Variants in RBM6 observed in about 807,000 individuals in gnomAD.
RBM6 encodes the protein RNA-binding protein 6.
A neutral mutation model predicts 140.4 loss-of-function variants in RBM6; 23 were observed. The ratio of observed to expected loss-of-function variants is 0.16; its 90% CI spans 0.12 to 0.23. The LOEUF is 0.23. Ranked by LOEUF, RBM6 falls within the 10% of genes least tolerant of loss-of-function variation. RBM6 has a pLI of 1.00. For missense variants in RBM6, 1,139 were observed against 1,386.7 expected (o/e 0.82, Z 2.84); for synonymous variants, 439 against 475.6 (o/e 0.92, Z 1.00).
At chr3:49,986,833 T>G (rs975487227) in intron 5 of RBM6, among the ~76,000 whole-genome samples, 1 of 148,154 alleles carries the variant, frequency 6.7e-6, no homozygotes, top group African/African-American at 2.5e-5. Context: ...TTGCCCAGGA[T>G]GGAGTGCATT....
intron 6 of RBM6, among the ~76,000 whole-genome samples, chr3:50,043,711 G>A (rs2089060575): frequency 6.6e-6 from 1 of 151,314 alleles, no homozygotes; most frequent in Non-Finnish European, 1.5e-5. Flanking sequence ...AGCCTCCCGA[G>A]TAGCTGGGAT....
chr3:50,035,292 C>T (rs1417125036), intron 6 of RBM6, among the ~76,000 whole-genome samples: 2 of 151,960 alleles, frequency 1.3e-5, no homozygotes, highest in South Asian at 2.1e-4. Flanking sequence ...AAGCAGGTGA[C>T]CTGAAAGACA....
In RBM6 at chr3:49,961,614, T is replaced by C. The variant is rs1323320068; in HGVS notation, c.-66-962T>C. On this transcript the variant is annotated intron_variant, in intron 1 of 20. Coordinates refer to ENST00000266022, the MANE Select transcript of RBM6 (RefSeq NM_005777.3). Reference sequence around the variant, plus strand: ...AGGAGTTCGAGACCAGCCTGGCCAATATGGTGAAACCCCATCTCTACTAAA... The same window carrying C: ...AGGAGTTCGAGACCAGCCTGGCCAACATGGTGAAACCCCATCTCTACTAAA... Among the ~76,000 whole-genome samples, 3 of 149,174 alleles carry C rather than the reference T, an allele frequency of 2.0e-5. No individual in the cohort carries two copies. In the East Asian group the frequency reaches 6.3e-4, roughly 31 times the overall value.
At position 49,972,220 on chromosome 3, in the gene RBM6, G is replaced by T. The variant is rs941729976; in HGVS notation, c.1413+72G>T. On this transcript the variant is annotated intron_variant, in intron 4 of 20. Coordinates refer to ENST00000266022, the MANE Select transcript of RBM6 (RefSeq NM_005777.3). ...AAAAAACCTTTTAATTTGAAAAATT[G>T]TAGATTCACAAGAAGGTGCAAAGAA... 25 of 1,219,302 alleles carry T rather than the reference G, an allele frequency of 2.1e-5. No homozygotes were observed. The African/African-American group carries it at 3.5e-4, about 17-fold the overall frequency. The allele number at this position is 1,219,302 out of a possible 1,614,324, so 75.5% of individuals were successfully genotyped here.
At chr3:50,070,606 C>T in intron 19 of RBM6, 54 bp downstream of exon 19, 2 of 1,258,338 alleles carry the variant, frequency 1.6e-6, no homozygotes, top group Non-Finnish European at 2.3e-6. Context: ...GATAAAACCA[C>T]CTCCTCCTTC....
At chr3:49,999,358 C>G in intron 5 of RBM6, 82 bp from the exon 6 acceptor site, 1 of 1,249,662 alleles carries the variant, frequency 8.0e-7, no homozygotes, top group Non-Finnish European at 1.2e-6. Flanking sequence ...TTAAGGGGTT[C>G]AGAAACAGGG....
chr3:49,972,329 A>G (rs1249263424), intron 4 of RBM6, among the ~76,000 whole-genome samples, 181 bp downstream of exon 4: 2 of 152,214 alleles, frequency 1.3e-5, no homozygotes. Flanking sequence ...TATCTAAACC[A>G]GGAAATTGAC....
intron 1 of RBM6, among the ~76,000 whole-genome samples, chr3:49,943,151 A>T (rs2083357041): frequency 6.6e-6 from 1 of 152,238 alleles, no homozygotes; most frequent in South Asian, 2.1e-4. Context: ...TTTGTAGCAG[A>T]CACTTGGGTT....
intron 1 of RBM6, among the ~76,000 whole-genome samples, chr3:49,962,280 A>T (rs1361836429): frequency 1.3e-5 from 2 of 150,066 alleles, no homozygotes; most frequent in South Asian, 4.2e-4. Flanking sequence ...TCTACTAAAA[A>T]TACAAAAAAT....
At position 49,968,097 on chromosome 3, in the gene RBM6, C is replaced by G; in HGVS notation, c.672C>G (p.Asp224Glu). 6.2e-7 allele frequency: 1 copy of G among 1,614,144 alleles called. No homozygotes were observed. The highest frequency in any genetic ancestry group is 2.2e-5 in the East Asian group (1 of 44,880). ...DFRNRDVSDL[D>E]FRDKDGTQVD... ...GGAATAGAGATGTATCTGATTTGGA[C>G]TTTAGAGACAAAGACGGAACACAAG... The change falls in exon 3 of 21, where the codon GAC (aspartate) becomes GAG (glutamate). Residue 224 changes from aspartate (D) to glutamate (E), a missense_variant. Physicochemically the swap from Asp to Glu is conservative, Grantham distance 45. Coordinates refer to ENST00000266022, the MANE Select transcript of RBM6 (RefSeq NM_005777.3).
chr3:49,955,557 C>A (rs898370325), intron 1 of RBM6, among the ~76,000 whole-genome samples: 1 of 151,788 alleles, frequency 6.6e-6, no homozygotes, highest in Non-Finnish European at 1.5e-5. Flanking sequence ...AAAAATGTAT[C>A]CTAGGCTGGG....
intron 1 of RBM6, among the ~76,000 whole-genome samples, chr3:49,942,760 G>A (rs2083343350): frequency 6.6e-6 from 1 of 152,004 alleles, no homozygotes; most frequent in South Asian, 2.1e-4. Context: ...ATGCATGGTG[G>A]CATGCATCTG....
chr3:49,990,593 G>T (rs1189877374), intron 5 of RBM6, among the ~76,000 whole-genome samples: 5 of 152,186 alleles, frequency 3.3e-5, no homozygotes, highest in Non-Finnish European at 7.4e-5. Context: ...AAGAGCACTA[G>T]AAAGTACTTT....
chr3:50,051,528 C>G (rs1286560428), intron 7 of RBM6, among the ~76,000 whole-genome samples: 1 of 152,198 alleles, frequency 6.6e-6, no homozygotes. Context: ...GTAATCCCAG[C>G]TACTTGGGAG....
chr3:49,949,591 G>A (rs1041265352), intron 1 of RBM6, among the ~76,000 whole-genome samples: 1 of 152,028 alleles, frequency 6.6e-6, no homozygotes, highest in Non-Finnish European at 1.5e-5. Flanking sequence ...CAGTTGGCCA[G>A]GATGGTTTCA....
intron 1 of RBM6, among the ~76,000 whole-genome samples, chr3:49,949,388 T>C (rs2083633551): frequency 6.6e-6 from 1 of 151,900 alleles, no homozygotes; most frequent in South Asian, 2.1e-4. Context: ...GACAACATTT[T>C]TTTTTGTTTG....
Position 49,998,320 on chromosome 3 carries a change from A to C in RBM6, c.1484-1120A>C, listed in dbSNP as rs151004079. Among the ~76,000 whole-genome samples the C allele has an allele frequency of 7.2e-5, 11 of 152,336 alleles. No individual in the cohort carries two copies. The South Asian group carries it at 2.1e-3, about 29-fold the overall frequency. On this transcript the variant is annotated intron_variant, in intron 5 of 20. Coordinates refer to ENST00000266022, the MANE Select transcript of RBM6 (RefSeq NM_005777.3). The stretch of plus-strand genomic sequence containing the variant: ...TATTGTTATATATACTTTGTGGTCA[A>C]AATTATCATAGGGTTTTGTGTTTTT...
chr3:49,945,881 C>CAAAAA (rs67271820), intron 1 of RBM6, among the ~76,000 whole-genome samples: 135 of 61,808 alleles, frequency 2.2e-3, no homozygotes, highest in East Asian at 5.4e-3. Flanking sequence ...GACTCCATCT[C>CAAAAA]AAAAAAAAAA....
At chr3:49,971,946 C>A in intron 3 of RBM6, 113 bp from the exon 4 acceptor site, 3 of 745,674 alleles carry the variant, frequency 4.0e-6, no homozygotes, top group Non-Finnish European at 2.3e-6. Flanking sequence ...TTTTTTATAT[C>A]TTCACGTGAC....
Sources: allele counts gnomAD v4.1 joint callset (sites outside exome capture counted in the v4.1 genomes callset), GRCh38; gene constraint gnomAD v4.1.1; transcripts MANE v1.5; gene names NCBI Gene and HGNC (gene_info 2026-07-23, HGNC 2026-07-21).